LRRC19: variants seen among roughly 807,000 people sequenced by gnomAD.
The protein encoded by LRRC19 is leucine rich repeat containing 19, also known as leucine-rich repeat-containing protein 19.
LRRC19 carries 33 observed loss-of-function variants against 33.3 expected under a neutral mutation model. The ratio of observed to expected loss-of-function variants is 0.99; its 90% CI spans 0.75 to 1.33. The LOEUF (loss-of-function observed/expected upper bound fraction) is 1.33, where lower values mean the gene tolerates loss of function less well. LRRC19 is among the 40% of genes most tolerant of loss of function. The pLI is 0.00. For missense variants in LRRC19, 463 were observed against 417.3 expected (o/e 1.11, Z -0.95); for synonymous variants, 184 against 152.3 (o/e 1.21, Z -1.53).
At chr9:27,004,676 C>T (rs188257060) in intron 1 of LRRC19, among the ~76,000 whole-genome samples, 8 of 152,134 alleles carry the variant, frequency 5.3e-5, no homozygotes, top group African/African-American at 1.9e-4. Flanking sequence ...TGCTTTCTTT[C>T]TCCTTTTGGA....
In LRRC19 at chr9:26,999,706, G is replaced by C. The variant is rs763886794; in HGVS notation, c.-9-3C>G. On this transcript the variant is annotated splice_polypyrimidine_tract_variant and splice_region_variant and intron_variant, in intron 1 of 4. Transcript: ENST00000380055. ...CCTGTGACTTTCATGTTGCAGACCTGATAGAAAAGAGAGTATTTTCATTAA... is the reference window on the plus strand; with the variant it reads ...CCTGTGACTTTCATGTTGCAGACCTCATAGAAAAGAGAGTATTTTCATTAA... 6.4e-7 allele frequency: 1 copy of C among 1,564,910 alleles called. No individual in the cohort carries two copies. Among genetic ancestry groups the C allele is most frequent in the African/African-American group, 1.4e-5 (1 of 72,862 alleles).
At position 26,998,027 on chromosome 9, in the gene LRRC19, A is replaced by G. The variant is rs1451193689; in HGVS notation, c.296T>C (p.Leu99Pro). ...HNNGFGNLSS[L>P]EILNICRNSI... is the part of the protein sequence containing the mutation. ...GTTTCTACAGATATTTAAAATTTCT[A>G]GACTGGAGAGGTTACCAAAACCGTT... The change falls in exon 3 of 5, where the codon CTA becomes CCA. Residue 99 changes from leucine to proline, a missense_variant. Transcript: ENST00000380055. 4 of 1,613,868 alleles carry G rather than the reference A, an allele frequency of 2.5e-6. No individual in the cohort carries two copies. Among genetic ancestry groups the G allele is most frequent in the Non-Finnish European group, 3.4e-6 (4 of 1,179,878 alleles).
chr9:27,001,163 T>C (rs1828462320), intron 1 of LRRC19, among the ~76,000 whole-genome samples: 1 of 152,196 alleles, frequency 6.6e-6, no homozygotes, highest in Non-Finnish European at 1.5e-5. Context: ...TGAATAATAT[T>C]CCATTGTATA....
intron 2 of LRRC19, among the ~76,000 whole-genome samples, chr9:26,999,079 G>T (rs911450665): frequency 6.6e-6 from 1 of 152,116 alleles, no homozygotes; most frequent in African/African-American, 2.4e-5. Flanking sequence ...TCAAAGTTTG[G>T]TGTTTTAAAA....
At position 26,994,540 on chromosome 9, in the gene LRRC19, A is replaced by C. The variant is rs943196221; in HGVS notation, c.*981T>G. 6.0e-5 allele frequency: 9 copies of C among 151,196 alleles called. No homozygotes were observed. Among genetic ancestry groups the C allele is most frequent in the African/African-American group, 2.2e-4 (9 of 41,290 alleles). The allele number at this position is 151,196 out of a possible 1,614,324, so 9.4% of individuals were successfully genotyped here. On this transcript the variant is annotated 3_prime_UTR_variant, in exon 5 of 5. Coordinates refer to ENST00000380055, the MANE Select transcript of LRRC19 (RefSeq NM_022901.3). ...AGACAGTGCGAGACTTTGTCTCAAA[A>C]AAAAAAAAAAAAAAAAGAAAAAGAA...
chr9:27,001,786 T>C (rs1330650251), intron 1 of LRRC19, among the ~76,000 whole-genome samples: 4 of 152,142 alleles, frequency 2.6e-5, no homozygotes, highest in African/African-American at 9.7e-5. Flanking sequence ...ACTTTTTTGA[T>C]CATTTTCTTT....
chr9:26,999,325 T>TA (rs965634188), intron 2 of LRRC19, among the ~76,000 whole-genome samples: 4 of 151,952 alleles, frequency 2.6e-5, no homozygotes, highest in African/African-American at 7.2e-5. Flanking sequence ...ATGTGCTTTT[T>TA]AAAAAAAAGT....
At chr9:27,004,024 G>GT (rs1166880250) in intron 1 of LRRC19, among the ~76,000 whole-genome samples, 8 of 152,000 alleles carry the variant, frequency 5.3e-5, no homozygotes, top group East Asian at 3.9e-4. Context: ...GGGAAGTGCT[G>GT]TTTTTTTTCC....
At position 26,999,558 on chromosome 9, in the gene LRRC19, T is replaced by C. The variant is rs897162426; in HGVS notation, c.81+56A>G. 10 of 1,311,686 alleles carry C rather than the reference T, an allele frequency of 7.6e-6. No homozygotes were observed. The African/African-American group carries it at 1.1e-4, about 14-fold the overall frequency. The allele number at this position is 1,311,686 out of a possible 1,614,324, so 81.3% of individuals were successfully genotyped here. ...TATTGCCCTTTTATATTTTACTAAA[T>C]ATACAGAAAATGTACCTTTGAAAAT... On this transcript the variant is annotated intron_variant, in intron 2 of 4. Transcript: ENST00000380055.
rs544443364 is a variant in LRRC19 at position 27,001,602 on chromosome 9, T to A, written c.-9-1899A>T. Among the ~76,000 whole-genome samples, 7 of 152,320 alleles carry A rather than the reference T, an allele frequency of 4.6e-5. No homozygotes were observed. In the East Asian group the frequency reaches 1.3e-3, roughly 29 times the overall value. On this transcript the variant is annotated intron_variant, in intron 1 of 4. Coordinates refer to ENST00000380055, the MANE Select transcript of LRRC19 (RefSeq NM_022901.3). Reference sequence around the variant, plus strand: ...TCCACATACTTGTTTGTCTTTTGTGTGTTTTTTGAGAAATATCTATTCAGT... The same window carrying A: ...TCCACATACTTGTTTGTCTTTTGTGAGTTTTTTGAGAAATATCTATTCAGT...
At position 26,993,277 on chromosome 9, in the gene LRRC19, A is replaced by G. The variant is rs571851271; in HGVS notation, c.*2244T>C. 6 of 152,268 alleles carry G rather than the reference A, an allele frequency of 3.9e-5. No individual in the cohort carries two copies. The East Asian group carries it at 1.2e-3, about 29-fold the overall frequency. The allele number at this position is 152,268 out of a possible 1,614,324, so 9.4% of individuals were successfully genotyped here. Reference sequence around the variant, plus strand: ...ACATTTCTCAAATATTAATATTTGCATCTTATAATTAGGAAATAATTTAGC... The same window carrying G: ...ACATTTCTCAAATATTAATATTTGCGTCTTATAATTAGGAAATAATTTAGC... On this transcript the variant is annotated 3_prime_UTR_variant, in exon 5 of 5. Transcript: ENST00000380055.
rs1205623189 is a variant in LRRC19, at chr9:26,999,271, A to T, written c.81+343T>A. 9.2e-5 allele frequency among the ~76,000 whole-genome samples: 14 copies of T among 152,240 alleles called. No individual in the cohort carries two copies. The East Asian group carries it at 2.5e-3, about 27-fold the overall frequency. On this transcript the variant is annotated intron_variant, in intron 2 of 4. Transcript: ENST00000380055. ...GGTTTATTACTGTTTTTGCAGTTAGATTTTTTCACCAATAATAATTCAATA... is the reference window on the plus strand; with the variant it reads ...GGTTTATTACTGTTTTTGCAGTTAGTTTTTTTCACCAATAATAATTCAATA...
rs776651068 is a variant in LRRC19, at chr9:26,999,673, T to C, written c.22A>G (p.Ile8Val). 9 of 1,609,880 alleles carry C rather than the reference T, an allele frequency of 5.6e-6. No individual in the cohort carries two copies. The Admixed American group carries it at 1.2e-4, about 21-fold the overall frequency. ...ATCATGGAGAGGGGCCAAAAGAGGA[T>C]TGTGATGCCTGTGACTTTCATGTTG... The part of the protein sequence containing the change: MKVTGIT[I>V]LFWPLSMILL... Residue 8 changes from isoleucine (I) to valine (V), a missense_variant, in exon 2 of 5, where the codon ATC becomes GTC. Coordinates refer to ENST00000380055, the MANE Select transcript of LRRC19 (RefSeq NM_022901.3).
At chr9:27,001,046 AATGTGTG>A (rs1251765419) in intron 1 of LRRC19, among the ~76,000 whole-genome samples, 1 of 152,122 alleles carries the variant, frequency 6.6e-6, no homozygotes, top group Non-Finnish European at 1.5e-5. Flanking sequence ...TGCCGGTGAG[AATGTGTG>A]ATATTTGTCT....
chr9:27,005,362 C>T (rs1048870670), intron 1 of LRRC19, among the ~76,000 whole-genome samples: 1 of 20,928 alleles, frequency 4.8e-5, no homozygotes, highest in African/African-American at 1.5e-4. Flanking sequence ...TCCCCCCCCG[C>T]CCCCCGCAAA....
In LRRC19 at chr9:26,996,378, A is replaced by G. The variant is rs1828157159; in HGVS notation, c.717T>C (p.Tyr239=). Residue 239 remains tyrosine (Y), a synonymous_variant, in exon 4 of 5, where the codon TAT becomes TAC. Coordinates refer to ENST00000380055, the MANE Select transcript of LRRC19 (RefSeq NM_022901.3). ...KFPSSVTEDL[Y]IHFQPISNSI... ...AATTGCTGATGGGCTGAAAATGAAT[A>G]TAAAGATCTTCAGTTACTGATGAAG... 1.2e-5 allele frequency: 20 copies of G among 1,609,778 alleles called. No individual in the cohort carries two copies. The highest frequency in any genetic ancestry group is 1.6e-5 in the Non-Finnish European group (19 of 1,177,420).
At position 26,998,043 on chromosome 9, in the gene LRRC19, C is replaced by G. The variant is rs763353925; in HGVS notation, c.280G>C (p.Gly94Arg). The G allele has an allele frequency of 7.4e-6, 12 of 1,613,490 alleles. No individual in the cohort carries two copies. Among genetic ancestry groups the G allele is most frequent in the Non-Finnish European group, 1.0e-5 (12 of 1,179,676 alleles). The change falls in exon 3 of 5, where the codon GGT (glycine) becomes CGT (arginine). Residue 94 changes from glycine to arginine, a missense_variant. Transcript: ENST00000380055. ...KVTILHNNGF[G>R]NLSSLEILNI... The stretch of plus-strand genomic sequence containing the variant: ...AAAATTTCTAGACTGGAGAGGTTAC[C>G]AAAACCGTTATTATGTAAGATAGTA...
At position 26,995,700 on chromosome 9, in the gene LRRC19, C is replaced by G; in HGVS notation, c.934G>C (p.Glu312Gln). The part of the protein sequence containing the change: ...SYNHHRLEEH[E>Q]AETYEDGFTG... ...AAACCATCTTCATAGGTTTCTGCTTCATGCTCTTCCAGGCGATGATGATTA... is the reference window on the plus strand; with the variant it reads ...AAACCATCTTCATAGGTTTCTGCTTGATGCTCTTCCAGGCGATGATGATTA... The change falls in exon 5 of 5, where the codon GAA becomes CAA. Residue 312 changes from glutamate to glutamine, a missense_variant. Coordinates refer to ENST00000380055, the MANE Select transcript of LRRC19 (RefSeq NM_022901.3). The G allele has an allele frequency of 1.2e-6, 2 of 1,613,886 alleles. No homozygotes were observed.
At chr9:27,003,224 A>C (rs1195571359) in intron 1 of LRRC19, among the ~76,000 whole-genome samples, 2 of 150,996 alleles carry the variant, frequency 1.3e-5, no homozygotes, top group Non-Finnish European at 3.0e-5. Context: ...TTAATTTTTT[A>C]AGTGTAAGAT....
Sources: allele counts gnomAD v4.1 joint callset (sites outside exome capture counted in the v4.1 genomes callset), GRCh38; gene constraint gnomAD v4.1.1; transcripts MANE v1.5; gene names NCBI Gene and HGNC (gene_info 2026-07-23, HGNC 2026-07-21).